Variants in RNF38 observed in about 807,000 individuals in gnomAD.
The protein encoded by RNF38 is E3 ubiquitin-protein ligase RNF38.
In RNF38, 15 loss-of-function variants were observed where a neutral mutation model predicts 67.2. The ratio of observed to expected loss-of-function variants is 0.22; its 90% confidence interval spans 0.15 to 0.34. The LOEUF is 0.34. Ranked by LOEUF, RNF38 falls within the 10% of genes least tolerant of loss-of-function variation. RNF38 has a pLI of 1.00. For synonymous variants in RNF38, 220 were observed against 218.8 expected (o/e 1.01, Z -0.05); for missense variants, 524 against 639.9 (o/e 0.82, Z 1.95).
intron 2 of RNF38, among the ~76,000 whole-genome samples, chr9:36,413,263 C>T (rs1256310037): frequency 6.6e-6 from 1 of 151,994 alleles, no homozygotes; most frequent in Non-Finnish European, 1.5e-5. Flanking sequence ...TGGCATCTCC[C>T]CACAACTCTC....
intron 2 of RNF38, among the ~76,000 whole-genome samples, chr9:36,381,594 T>TTA (rs746552700): frequency 6.6e-6 from 1 of 152,198 alleles, no homozygotes; most frequent in Non-Finnish European, 1.5e-5. Context: ...GTTAACAGAC[T>TTA]TTCTTATAAG....
rs894915344 is a variant in RNF38, at chr9:36,360,889, T to C, written c.571-2947A>G. On this transcript the variant is annotated intron_variant, in intron 4 of 11. Transcript: ENST00000259605. Reference sequence around the variant, plus strand: ...GCAGTGGTGCCATCACGGCTCACCATAGCCTCAATCTCCTGGGGCTCAGGT... The same window carrying C: ...GCAGTGGTGCCATCACGGCTCACCACAGCCTCAATCTCCTGGGGCTCAGGT... Among the ~76,000 whole-genome samples, 7 of 152,120 alleles carry C rather than the reference T, an allele frequency of 4.6e-5. No homozygotes were observed. In the East Asian group the frequency reaches 5.8e-4, roughly 13 times the overall value.
At chr9:36,355,897 A>AG (rs1453672945) in intron 6 of RNF38, among the ~76,000 whole-genome samples, 5 of 152,148 alleles carry the variant, frequency 3.3e-5, no homozygotes, top group Admixed American at 3.3e-4. Context: ...CCCAGGCTGG[A>AG]GTGCAGTGGC....
intron 1 of RNF38, 36 bp from the exon 2 acceptor site, chr9:36,390,652 T>G: frequency 6.2e-7 from 1 of 1,607,204 alleles, no homozygotes; most frequent in Non-Finnish European, 8.5e-7. Flanking sequence ...AGTTCATGGC[T>G]AGCTGCACCA....
At chr9:36,454,835 C>T (rs1238468996) in intron 1 of RNF38, among the ~76,000 whole-genome samples, 1 of 152,078 alleles carries the variant, frequency 6.6e-6, no homozygotes, top group Non-Finnish European at 1.5e-5. Flanking sequence ...CCACCCGCCT[C>T]GGTCTCTCAA....
At chr9:36,433,842 G>T (rs1838993996) in intron 1 of RNF38, among the ~76,000 whole-genome samples, 1 of 151,968 alleles carries the variant, frequency 6.6e-6, no homozygotes, top group Non-Finnish European at 1.5e-5. Flanking sequence ...ATTGGAGAAG[G>T]TATAAAAAAA....
chr9:36,353,248 G>T lies in RNF38; in HGVS notation c.993C>A (p.His331Gln), dbSNP rs780213325. Residue 331 changes from histidine to glutamine, a missense_variant, in exon 7 of 12, where the codon CAC becomes CAA. By Grantham distance (24) the His-to-Gln change is conservative. Transcript: ENST00000259605. ...VGGFTYPPSA[H>Q]PPTLPPSAPL... is the part of the protein sequence containing the mutation. ...GAGCTGATGGAGGTAATGTTGGGGG[G>T]TGGGCTGATGGAGGGTAAGTAAAAC... 4 of 1,612,706 alleles carry T rather than the reference G, an allele frequency of 2.5e-6. No individual in the cohort carries two copies. The East Asian group carries it at 6.7e-5, about 27-fold the overall frequency.
intron 4 of RNF38, among the ~76,000 whole-genome samples, chr9:36,360,598 G>C (rs953681223): frequency 6.6e-6 from 1 of 152,174 alleles, no homozygotes; most frequent in African/African-American, 2.4e-5. Flanking sequence ...GAGCATTTCA[G>C]ATACTCAAAT....
rs1404607890 is a variant in RNF38 at position 36,362,932 on chromosome 9, C to CACATT, written c.571-4991_571-4990insAATGT. Among the ~76,000 whole-genome samples the CACATT allele has an allele frequency of 8.5e-4, 85 of 100,086 alleles. 1 individual carries two copies. The highest frequency in any genetic ancestry group is 1.6e-3 in the Admixed American group (17 of 10,948). 65.7% of individuals were successfully genotyped at this position (100,086 alleles called of 152,430 possible). A position where few individuals can be genotyped will look rare whatever the true frequency, so the allele number is the denominator to read the frequency against. On this transcript the variant is annotated intron_variant, in intron 4 of 11. Coordinates refer to ENST00000259605, the MANE Select transcript of RNF38 (RefSeq NM_022781.5). ...CAAGCGTGAGGCACCACACCCGGCC[C>CACATT]TAATCTGTTTTTCTTTATGGTTGAA...
chr9:36,372,588 G>C (rs752692677), intron 3 of RNF38: 8 of 711,572 alleles, frequency 1.1e-5, no homozygotes, highest in Non-Finnish European at 2.1e-5. Flanking sequence ...TATGCTTATA[G>C]GTAACCTATA....
At chr9:36,475,640 G>A (rs887172766) in intron 1 of RNF38, among the ~76,000 whole-genome samples, 9 of 151,402 alleles carry the variant, frequency 5.9e-5, no homozygotes, top group African/African-American at 1.9e-4. Flanking sequence ...TTACAGGCGT[G>A]AGCCACCATG....
intron 4 of RNF38, among the ~76,000 whole-genome samples, chr9:36,360,654 T>C (rs1210878088): frequency 6.6e-6 from 1 of 152,222 alleles, no homozygotes; most frequent in African/African-American, 2.4e-5. Flanking sequence ...TATCATCTTT[T>C]TGTGTTAGCA....
At chr9:36,404,942 T>C (rs1838143222), upstream of RNF38, among the ~76,000 whole-genome samples, 1 of 151,684 alleles carries the variant, frequency 6.6e-6, no homozygotes, top group African/African-American at 2.4e-5. Context: ...CTTTAGAAAA[T>C]TAAAGGAGTT....
At chr9:36,401,102 C>A (rs1023578075), upstream of RNF38, 1,196 of 985,098 alleles carry the variant, frequency 1.2e-3, no homozygotes, top group Admixed American at 2.5e-3. Flanking sequence ...ACAAACCTAG[C>A]GAGCCCAGCG....
intron 2 of RNF38, among the ~76,000 whole-genome samples, chr9:36,379,628 A>G (rs1836052763): frequency 6.6e-6 from 1 of 152,216 alleles, no homozygotes; most frequent in South Asian, 2.1e-4. Flanking sequence ...CTATTACACA[A>G]TATCCAATAA....
intron 1 of RNF38, among the ~76,000 whole-genome samples, chr9:36,448,668 C>A (rs1406640697): frequency 6.6e-6 from 1 of 151,982 alleles, no homozygotes; most frequent in African/African-American, 2.4e-5. Flanking sequence ...AATTGCCTGC[C>A]CCACCCCCAG....
At chr9:36,374,416 T>C (rs1004014558) in intron 3 of RNF38, among the ~76,000 whole-genome samples, 1 of 152,198 alleles carries the variant, frequency 6.6e-6, no homozygotes, top group Non-Finnish European at 1.5e-5. Context: ...AGAGGGATCT[T>C]TTCCCTGGCT....
At chr9:36,397,009 A>G (rs1206738972) in intron 1 of RNF38, among the ~76,000 whole-genome samples, 1 of 12,344 alleles carries the variant, frequency 8.1e-5, no homozygotes, top group African/African-American at 1.3e-4. Flanking sequence ...TTTGCTTTAT[A>G]TATGTGTGTG....
intron 1 of RNF38, among the ~76,000 whole-genome samples, chr9:36,460,616 G>A (rs962519278): frequency 2.0e-5 from 3 of 152,072 alleles, no homozygotes; most frequent in East Asian, 3.8e-4. Context: ...AGCCAGGCGC[G>A]GTGGCTCACT....
Sources: allele counts gnomAD v4.1 joint callset (sites outside exome capture counted in the v4.1 genomes callset), GRCh38; gene constraint gnomAD v4.1.1; transcripts MANE v1.5; gene names NCBI Gene and HGNC (gene_info 2026-07-23, HGNC 2026-07-21).